Variants in CCDC148 observed in about 807,000 individuals in gnomAD.
The protein encoded by CCDC148 is coiled-coil domain-containing protein 148.
A neutral mutation model predicts 85.7 loss-of-function variants in CCDC148; 89 were observed. The ratio of observed to expected loss-of-function variants is 1.04; its 90% CI spans 0.87 to 1.24. The LOEUF (loss-of-function observed/expected upper bound fraction) is 1.24, where lower values mean the gene tolerates loss of function less well. Ranked by LOEUF, CCDC148 falls within the 50% of genes most tolerant of loss-of-function variation. The pLI is 0.00. For missense variants in CCDC148, 692 were observed against 671.7 expected (o/e 1.03, Z -0.33); for synonymous variants, 230 against 213.9 (o/e 1.08, Z -0.66).
chr2:158,363,832 A>G (rs1480739158), intron 1 of CCDC148, among the ~76,000 whole-genome samples: 1 of 152,182 alleles, frequency 6.6e-6, no homozygotes, highest in Non-Finnish European at 1.5e-5. Flanking sequence ...GGCAGGAGAA[A>G]GAAATAAAGG....
At chr2:158,240,307 A>G (rs1005180500) in intron 10 of CCDC148, among the ~76,000 whole-genome samples, 3 of 152,022 alleles carry the variant, frequency 2.0e-5, no homozygotes, top group Admixed American at 1.3e-4. Flanking sequence ...ACACTGTACT[A>G]TTGAGTCCTG....
At chr2:158,420,834 G>T (rs1686742596) in intron 1 of CCDC148, among the ~76,000 whole-genome samples, 1 of 151,946 alleles carries the variant, frequency 6.6e-6, no homozygotes, top group African/African-American at 2.4e-5. Flanking sequence ...CTGTATTCAG[G>T]AGACCCATCT....
At chr2:158,244,274 G>A (rs1022984550) in intron 10 of CCDC148, among the ~76,000 whole-genome samples, 3 of 151,648 alleles carry the variant, frequency 2.0e-5, no homozygotes, top group Non-Finnish European at 4.4e-5. Context: ...TTTTTAAATC[G>A]TTGTTGTATA....
Position 158,436,008 on chromosome 2 carries a change from A to C in CCDC148, c.25+20407T>G, listed in dbSNP as rs968909623. ...CTTAGAGACCTACAAAGAGACTTAGACCCCCACACAATAATAATGGGAGAC... is the reference window on the plus strand; with the variant it reads ...CTTAGAGACCTACAAAGAGACTTAGCCCCCCACACAATAATAATGGGAGAC... On this transcript the variant is annotated intron_variant, in intron 1 of 13. Transcript: ENST00000283233. Among the ~76,000 whole-genome samples, 6 of 152,246 alleles carry C rather than the reference A, an allele frequency of 3.9e-5. No individual in the cohort carries two copies. The South Asian group carries it at 1.2e-3, about 32-fold the overall frequency.
intron 1 of CCDC148, among the ~76,000 whole-genome samples, chr2:158,377,985 T>C (rs1335707047): frequency 6.6e-6 from 1 of 152,100 alleles, no homozygotes; most frequent in East Asian, 1.9e-4. Context: ...CAATGTCCTG[T>C]AGGTGTTCAA....
chr2:158,358,168 G>C (rs1292315778), intron 2 of CCDC148, among the ~76,000 whole-genome samples: 1 of 152,142 alleles, frequency 6.6e-6, no homozygotes, highest in Non-Finnish European at 1.5e-5. Context: ...GTTGGAAGTT[G>C]TTGAAAGCCA....
At chr2:158,179,803 G>C (rs774718273) in intron 11 of CCDC148, among the ~76,000 whole-genome samples, 16 of 152,098 alleles carry the variant, frequency 1.1e-4, no homozygotes, top group East Asian at 1.9e-4. Context: ...GAGTAGGTGC[G>C]TATGTGTGTT....
intron 9 of CCDC148, among the ~76,000 whole-genome samples, chr2:158,282,855 G>A (rs1404589258): frequency 1.7e-4 from 26 of 152,094 alleles, no homozygotes; most frequent in East Asian, 3.9e-4. Context: ...AGCTGGAGGC[G>A]TCACGCTACT....
intron 1 of CCDC148, among the ~76,000 whole-genome samples, chr2:158,397,203 T>C (rs1164563017): frequency 6.6e-6 from 1 of 151,990 alleles, no homozygotes; most frequent in Non-Finnish European, 1.5e-5. Flanking sequence ...AACTATGGCA[T>C]GGGGAGGATA....
chr2:158,184,360 A>G (rs1013256886), intron 11 of CCDC148, among the ~76,000 whole-genome samples: 2 of 152,106 alleles, frequency 1.3e-5, no homozygotes, highest in African/African-American at 4.8e-5. Context: ...AAATTAGTCA[A>G]CATAGAGTTA....
chr2:158,365,028 A>C (rs1482247862), intron 1 of CCDC148, among the ~76,000 whole-genome samples: 3 of 152,244 alleles, frequency 2.0e-5, no homozygotes, highest in African/African-American at 7.2e-5. Flanking sequence ...AAAAGAAGAC[A>C]TTTATGCAGC....
intron 10 of CCDC148, among the ~76,000 whole-genome samples, chr2:158,249,620 T>C (rs1688707408): frequency 6.6e-6 from 1 of 152,138 alleles, no homozygotes; most frequent in African/African-American, 2.4e-5. Context: ...TTTTCCACAA[T>C]GCTGCCTCTA....
At chr2:158,396,648 T>C (rs148492301) in intron 1 of CCDC148, among the ~76,000 whole-genome samples, 83 of 152,230 alleles carry the variant, frequency 5.5e-4, no homozygotes, top group African/African-American at 1.7e-3. Context: ...CTCAGCATCT[T>C]CAACTCTACA....
chr2:158,311,228 G>A lies in CCDC148; in HGVS notation c.904-1589C>T, dbSNP rs538150273. Among the ~76,000 whole-genome samples, 72 of 152,316 alleles carry A rather than the reference G, an allele frequency of 4.7e-4. 1 individual carries two copies. The highest frequency in any genetic ancestry group is 1.5e-3 in the African/African-American group (62 of 41,584). The stretch of plus-strand genomic sequence containing the variant: ...ACTCCGTCTGCAATCCCGGCACCTC[G>A]GGAGGCCGAGGTGGGCAGATCACTC... On this transcript the variant is annotated intron_variant, in intron 8 of 13. Transcript: ENST00000283233.
At chr2:158,330,255 A>G (rs1183511339) in intron 7 of CCDC148, among the ~76,000 whole-genome samples, 1 of 152,162 alleles carries the variant, frequency 6.6e-6, no homozygotes, top group African/African-American at 2.4e-5. Context: ...TTCTGCATCT[A>G]TTGAGATAAT....
chr2:158,334,041 G>A (rs1297409721), intron 7 of CCDC148, among the ~76,000 whole-genome samples: 2 of 152,118 alleles, frequency 1.3e-5, no homozygotes, highest in Non-Finnish European at 2.9e-5. Context: ...CCTGCTGCCA[G>A]AAGCAAAAGG....
intron 9 of CCDC148, among the ~76,000 whole-genome samples, chr2:158,289,751 C>T (rs182839503): frequency 6.6e-6 from 1 of 152,222 alleles, no homozygotes; most frequent in East Asian, 1.9e-4. Flanking sequence ...CCAGGGAACA[C>T]ATATAAAAAC....
intron 1 of CCDC148, among the ~76,000 whole-genome samples, chr2:158,394,835 T>A (rs1471750191): frequency 6.6e-6 from 1 of 151,986 alleles, no homozygotes; most frequent in Non-Finnish European, 1.5e-5. Context: ...CTAAGAAATT[T>A]TTCATTCACC....
intron 9 of CCDC148, among the ~76,000 whole-genome samples, chr2:158,307,484 A>G (rs890809459): frequency 6.6e-6 from 1 of 152,230 alleles, no homozygotes; most frequent in Non-Finnish European, 1.5e-5. Context: ...TTGGAAAACT[A>G]TTTGGCAGTA....
Sources: gnomAD v4.1 joint callset for allele counts (sites outside exome capture counted in the v4.1 genomes callset) on GRCh38, gnomAD v4.1.1 for gene constraint, MANE v1.5 for transcripts, NCBI Gene and HGNC (gene_info 2026-07-23, HGNC 2026-07-21) for gene names.